SLC7A1: variants seen among roughly 807,000 people sequenced by gnomAD.
The protein encoded by SLC7A1 is high affinity cationic amino acid transporter 1.
In SLC7A1, 10 loss-of-function variants were observed where a neutral mutation model predicts 53.9. That is an observed-to-expected ratio of 0.19 (90% CI 0.11 to 0.31). The LOEUF (loss-of-function observed/expected upper bound fraction) is 0.31. Ranked by LOEUF, SLC7A1 falls within the 10% of genes least tolerant of loss-of-function variation. SLC7A1 has a pLI of 1.00. For missense variants in SLC7A1, 525 were observed against 827.2 expected, an observed-to-expected ratio of 0.63 and a Z score of 4.48; for synonymous variants, 342 against 338.7, an observed-to-expected ratio of 1.01 and a Z score of -0.11.
At chr13:29,516,267 T>C (rs2989592) in intron 11 of SLC7A1, 21 bp from the exon 12 acceptor site, 1,507,041 of 1,544,686 alleles carry the variant, frequency 0.98, 735,587 homozygotes, top group Middle Eastern at 0.99. Context: ...AGGAGGTGGC[T>C]TCAATCCATG....
At chr13:29,535,616 T>C (rs567903712) in intron 3 of SLC7A1, among the ~76,000 whole-genome samples, 20 of 152,364 alleles carry the variant, frequency 1.3e-4, no homozygotes, top group African/African-American at 4.8e-4. Flanking sequence ...AATTTTTCTC[T>C]ATCAGTGATG....
At chr13:29,544,336 TC>T (rs764359853) in intron 2 of SLC7A1, among the ~76,000 whole-genome samples, 1 of 152,270 alleles carries the variant, frequency 6.6e-6, no homozygotes, top group Non-Finnish European at 1.5e-5. Context: ...GTTGTTATTT[TC>T]TTCTTTTCCA....
intron 1 of SLC7A1, among the ~76,000 whole-genome samples, chr13:29,559,779 G>C (rs1247032720): frequency 6.6e-6 from 1 of 151,178 alleles, no homozygotes; most frequent in African/African-American, 2.4e-5. Flanking sequence ...GCAGTGGCGC[G>C]ATCTCGGCTC....
At chr13:29,576,424 T>C (rs1398447042) in intron 1 of SLC7A1, among the ~76,000 whole-genome samples, 1 of 151,800 alleles carries the variant, frequency 6.6e-6, no homozygotes, top group Non-Finnish European at 1.5e-5. Flanking sequence ...GCAACTGACA[T>C]GGTGTTGAAA....
intron 12 of SLC7A1, among the ~76,000 whole-genome samples, chr13:29,515,122 T>C (rs1883517198): frequency 6.6e-6 from 1 of 152,194 alleles, no homozygotes; most frequent in African/African-American, 2.4e-5. Flanking sequence ...CCAGGACCTA[T>C]GCTTCTTACC....
At chr13:29,560,294 C>A (rs1389694339) in intron 1 of SLC7A1, among the ~76,000 whole-genome samples, 2 of 152,084 alleles carry the variant, frequency 1.3e-5, no homozygotes, top group Non-Finnish European at 2.9e-5. Context: ...ACACAAGGAG[C>A]TGTGATCTCC....
intron 1 of SLC7A1, among the ~76,000 whole-genome samples, chr13:29,582,107 T>A (rs953163735): frequency 6.6e-6 from 1 of 152,248 alleles, no homozygotes; most frequent in Non-Finnish European, 1.5e-5. Context: ...ATTTTTCAAA[T>A]GAGGAAACTG....
At chr13:29,560,336 C>T (rs1021291898) in intron 1 of SLC7A1, among the ~76,000 whole-genome samples, 1 of 151,982 alleles carries the variant, frequency 6.6e-6, no homozygotes, top group Admixed American at 6.5e-5. Flanking sequence ...TGAAATACTT[C>T]CTGAAATACC....
At chr13:29,570,466 C>T (rs989139875) in intron 1 of SLC7A1, among the ~76,000 whole-genome samples, 5 of 152,144 alleles carry the variant, frequency 3.3e-5, no homozygotes, top group Non-Finnish European at 5.9e-5. Flanking sequence ...CACCCACACC[C>T]GCCCCCCTAC....
intron 6 of SLC7A1, among the ~76,000 whole-genome samples, chr13:29,523,867 C>T (rs1296083942): frequency 6.6e-6 from 1 of 152,244 alleles, no homozygotes; most frequent in Non-Finnish European, 1.5e-5. Flanking sequence ...GATATGAAAT[C>T]AGGCCACAGC....
intron 1 of SLC7A1, among the ~76,000 whole-genome samples, chr13:29,585,678 C>G (rs866919502): frequency 6.6e-6 from 1 of 152,142 alleles, no homozygotes; most frequent in African/African-American, 2.4e-5. Context: ...TTCCAGAATC[C>G]TGTGCTAAGC....
intron 12 of SLC7A1, among the ~76,000 whole-genome samples, chr13:29,514,825 G>A (rs1451494241): frequency 1.3e-5 from 2 of 152,352 alleles, no homozygotes; most frequent in East Asian, 1.9e-4. Context: ...TTATGCTGCG[G>A]TGTTTCCTGA....
chr13:29,594,966 C>T (rs1022384957), intron 1 of SLC7A1, among the ~76,000 whole-genome samples: 5 of 151,696 alleles, frequency 3.3e-5, no homozygotes, highest in African/African-American at 1.2e-4. Context: ...GCGGGGTGCT[C>T]TGCACCGCGC....
chr13:29,529,546 C>T (rs1869056814), intron 5 of SLC7A1, among the ~76,000 whole-genome samples: 1 of 152,236 alleles, frequency 6.6e-6, no homozygotes, highest in Admixed American at 6.5e-5. Flanking sequence ...CTCGTGCCTA[C>T]AGCCAGCTCT....
intron 2 of SLC7A1, among the ~76,000 whole-genome samples, chr13:29,548,632 C>G (rs974634277): frequency 1.4e-4 from 22 of 152,250 alleles, no homozygotes; most frequent in African/African-American, 4.1e-4. Flanking sequence ...AAATACAGAG[C>G]ACGAGGACTT....
chr13:29,555,500 A>G (rs1870400759), intron 1 of SLC7A1, among the ~76,000 whole-genome samples: 1 of 151,746 alleles, frequency 6.6e-6, no homozygotes, highest in Admixed American at 6.6e-5. Flanking sequence ...AGTTACTGCT[A>G]TTTCTTGATG....
At chr13:29,537,910 C>T (rs2139108637) in intron 2 of SLC7A1, among the ~76,000 whole-genome samples, 1 of 152,310 alleles carries the variant, frequency 6.6e-6, no homozygotes, top group East Asian at 1.9e-4. Context: ...ACTTCCCTGC[C>T]TGCCCACACC....
Position 29,510,911 on chromosome 13 carries a change from G to A in SLC7A1, c.*3569C>T, listed in dbSNP as rs1236797054. ...CCCAGGACCTTGCCTGTTAAGTCTG[G>A]GTGGGGCCCCTATGGGGCATGTCCA... On this transcript the variant is annotated 3_prime_UTR_variant, in exon 13 of 13. Coordinates refer to ENST00000380752, the MANE Select transcript of SLC7A1 (RefSeq NM_003045.5). The A allele has an allele frequency of 6.6e-6, 1 of 152,330 alleles. No homozygotes were observed. The highest frequency in any genetic ancestry group is 1.5e-5 in the Non-Finnish European group (1 of 68,100). 9.4% of individuals were successfully genotyped at this position (152,330 alleles called of 1,614,324 possible).
intron 9 of SLC7A1, among the ~76,000 whole-genome samples, chr13:29,518,396 C>A (rs913806650): frequency 1.3e-5 from 2 of 152,190 alleles, no homozygotes; most frequent in Non-Finnish European, 2.9e-5. Flanking sequence ...GAATGAGGTG[C>A]CTTATCTTCC....
Sources: allele counts gnomAD v4.1 joint callset (sites outside exome capture counted in the v4.1 genomes callset), GRCh38; gene constraint gnomAD v4.1.1; transcripts MANE v1.5; gene names NCBI Gene and HGNC (gene_info 2026-07-23, HGNC 2026-07-21).